Variants in CDKL5 observed in about 807,000 individuals in gnomAD.
CDKL5 encodes cyclin-dependent kinase-like 5.
A neutral mutation model predicts 61.7 loss-of-function variants in CDKL5; 8 were observed. The observed-to-expected ratio is 0.13, with a 90% CI of 0.08 to 0.23. The LOEUF is 0.23. CDKL5 is among the 10% of genes least tolerant of loss of function. The pLI is 1.00. For missense variants in CDKL5, 440 were observed against 734.5 expected, an observed-to-expected ratio of 0.60 and a Z score of 4.63; for synonymous variants, 275 against 272.3, an observed-to-expected ratio of 1.01 and a Z score of -0.10.
chrX:18,586,237 A>G (rs1041356442), intron 8 of CDKL5, among the ~76,000 whole-genome samples: 18 of 111,733 alleles, frequency 1.6e-4, no homozygotes, highest in African/African-American at 5.5e-4. Context: ...GTGTTTGTCT[A>G]TATTTCTTCC....
intron 1 of CDKL5, among the ~76,000 whole-genome samples, chrX:18,442,005 A>C (rs1444035805): frequency 9.1e-6 from 1 of 109,667 alleles, no homozygotes; most frequent in African/African-American, 3.3e-5. Flanking sequence ...TTGGGCCCCC[A>C]CCCCTCCTCC....
chrX:18,598,708 A>G (rs1308221007), intron 11 of CDKL5, 95 bp downstream of exon 11: 1 of 831,100 alleles, frequency 1.2e-6, no homozygotes, highest in African/African-American at 2.0e-5. Context: ...AGAGAAAAGA[A>G]GGAAAGCCCT....
chrX:18,587,809 C>A, intron 8 of CDKL5, 145 bp from the exon 9 acceptor site: 1 of 537,469 alleles, frequency 1.9e-6, no homozygotes, highest in Non-Finnish European at 3.1e-6. Context: ...TGATGATTTG[C>A]TTTTCAGCCT....
At position 18,628,771 on chromosome X, in the gene CDKL5, G is replaced by A. The variant is rs778520461; in HGVS notation, c.*14G>A. On this transcript the variant is annotated 3_prime_UTR_variant, in exon 18 of 18. Transcript: ENST00000623535. ...ACAGCCTTGTAATTTGTGCTGGTAGGGGGGAGGGGTGGACAGACAAGCCAG... is the reference window on the plus strand; with the variant it reads ...ACAGCCTTGTAATTTGTGCTGGTAGAGGGGAGGGGTGGACAGACAAGCCAG... 102 of 1,106,234 alleles carry A rather than the reference G, an allele frequency of 9.2e-5. 1 individual carries two copies. The South Asian group carries it at 1.7e-3, about 19-fold the overall frequency. The allele number at this position is 1,106,234 out of a possible 1,213,427, so 91.2% of individuals were successfully genotyped here.
At chrX:18,647,548 G>T in intron 20 of CDKL5, 1 of 429,780 alleles carries the variant, frequency 2.3e-6, no homozygotes, top group Non-Finnish European at 4.1e-6. Flanking sequence ...TTGCCATAGA[G>T]ACTCAACAGC....
At chrX:18,529,351 T>C (rs981920145) in intron 3 of CDKL5, among the ~76,000 whole-genome samples, 1 of 110,638 alleles carries the variant, frequency 9.0e-6, no homozygotes, top group Non-Finnish European at 1.9e-5. Context: ...ATTATTCATA[T>C]TGCTTATCCA....
At chrX:18,566,436 G>A (rs1809552653) in intron 4 of CDKL5, among the ~76,000 whole-genome samples, 1 of 113,013 alleles carries the variant, frequency 8.8e-6, no homozygotes, top group Non-Finnish European at 1.9e-5. Context: ...GATTACAGGC[G>A]TGAGCCACCT....
chrX:18,427,674 C>A (rs982023868), intron 1 of CDKL5, among the ~76,000 whole-genome samples: 9 of 111,263 alleles, frequency 8.1e-5, no homozygotes, highest in African/African-American at 2.9e-4. Flanking sequence ...TGTTGTTTAG[C>A]ATATTTCCTA....
intron 1 of CDKL5, among the ~76,000 whole-genome samples, chrX:18,504,312 C>T (rs1009452798): frequency 9.0e-6 from 1 of 110,916 alleles, no homozygotes; most frequent in Admixed American, 9.6e-5. Context: ...CCCTGTGTTG[C>T]TCAGGCTGGT....
In CDKL5 at chrX:18,633,298, A is replaced by G; in HGVS notation, c.*4541A>G. On this transcript the variant is annotated 3_prime_UTR_variant, in exon 18 of 18. Transcript: ENST00000623535. ...TCCTTGCCTCCTTCAGTTCATCACTAAGAAAGTGTGTAGGCAGAGAAAACT... is the reference window on the plus strand; with the variant it reads ...TCCTTGCCTCCTTCAGTTCATCACTGAGAAAGTGTGTAGGCAGAGAAAACT... 6 of 753,981 alleles carry G rather than the reference A, an allele frequency of 8.0e-6. No homozygotes were observed. The highest frequency in any genetic ancestry group is 9.4e-6 in the Non-Finnish European group (6 of 638,932). 62.1% of individuals were successfully genotyped at this position (753,981 alleles called of 1,213,427 possible). A position where few individuals can be genotyped will look rare whatever the true frequency, so the allele number is the denominator to read the frequency against.
intron 1 of CDKL5, among the ~76,000 whole-genome samples, chrX:18,463,127 G>T (rs755431701): frequency 2.7e-5 from 3 of 110,651 alleles, no homozygotes; most frequent in East Asian, 5.8e-4. Context: ...AGCCTTGACA[G>T]CTGGCTGGTC....
chrX:18,507,394 T>C (rs910107152), intron 2 of CDKL5, among the ~76,000 whole-genome samples: 1 of 110,734 alleles, frequency 9.0e-6, no homozygotes, highest in African/African-American at 3.3e-5. Context: ...AAGATTTTTT[T>C]CCCTTTTCTT....
In CDKL5 at chrX:18,588,317, T is replaced by C. The variant is rs983754693; in HGVS notation, c.744+174T>C. The C allele has an allele frequency of 1.1e-5, 4 of 372,946 alleles. No homozygotes were observed. The South Asian group carries it at 2.5e-4, about 24-fold the overall frequency. The allele number at this position is 372,946 out of a possible 1,213,427, so 30.7% of individuals were successfully genotyped here. Reference sequence around the variant, plus strand: ...CGAATTTTTTAATAGTACTTGTGGATTTAAAAAGTGGTTAGAATTCAAATT... The same window carrying C: ...CGAATTTTTTAATAGTACTTGTGGACTTAAAAAGTGGTTAGAATTCAAATT... On this transcript the variant is annotated intron_variant, in intron 9 of 17. Transcript: ENST00000623535.
At chrX:18,490,076 G>A (rs1921938044) in intron 1 of CDKL5, among the ~76,000 whole-genome samples, 1 of 111,585 alleles carries the variant, frequency 9.0e-6, no homozygotes, top group African/African-American at 3.3e-5. Flanking sequence ...TGGGAGGCTG[G>A]TGTGCTCTGA....
rs1356521454 is a variant in CDKL5 at position 18,636,456 on chromosome X, T to G, written c.*7699T>G. 1 of 108,984 alleles carries G rather than the reference T, an allele frequency of 9.2e-6. No homozygotes were observed. The highest frequency in any genetic ancestry group is 1.9e-5 in the Non-Finnish European group (1 of 52,622). The allele number at this position is 108,984 out of a possible 1,213,427, so 9.0% of individuals were successfully genotyped here. On this transcript the variant is annotated 3_prime_UTR_variant, in exon 18 of 18. Transcript: ENST00000623535. ...AAATGAGGAAACAGATTTCCATACT[T>G]GACATTAACCTGCCCAAGGTCACCC...
At chrX:18,443,238 T>C (rs1471562823) in intron 1 of CDKL5, among the ~76,000 whole-genome samples, 1 of 112,378 alleles carries the variant, frequency 8.9e-6, no homozygotes, top group East Asian at 2.8e-4. Context: ...TGAAAGTGTC[T>C]GTACTTCACT....
chrX:18,516,050 C>A (rs1923002637), intron 3 of CDKL5, among the ~76,000 whole-genome samples: 1 of 109,938 alleles, frequency 9.1e-6, no homozygotes, highest in Non-Finnish European at 1.9e-5. Flanking sequence ...TGCAGTGGCA[C>A]AATCTCTGCT....
At chrX:18,459,930 T>G (rs1300116189) in intron 1 of CDKL5, among the ~76,000 whole-genome samples, 1 of 107,953 alleles carries the variant, frequency 9.3e-6, no homozygotes, top group Admixed American at 1.0e-4. Flanking sequence ...TGGAGTGCAA[T>G]GGCACGATCT....
Position 18,645,758 on chromosome X carries a change from A to G in CDKL5, c.2714-249A>G, listed in dbSNP as rs369978885. 4.5e-4 allele frequency among the ~76,000 whole-genome samples: 50 copies of G among 110,898 alleles called. No individual in the cohort carries two copies. The East Asian group carries it at 0.013, about 30-fold the overall frequency. On this transcript the variant is annotated intron_variant, in intron 19 of 21. Transcript: ENST00000379989. ...CTTCGACTTAAAATATTTATCCGGCAGAGTCTGCTAATTATCACCCGATAC... is the reference window on the plus strand; with the variant it reads ...CTTCGACTTAAAATATTTATCCGGCGGAGTCTGCTAATTATCACCCGATAC...
Sources: allele counts gnomAD v4.1 joint callset (sites outside exome capture counted in the v4.1 genomes callset), GRCh38; gene constraint gnomAD v4.1.1; transcripts MANE v1.5; gene names NCBI Gene and HGNC (gene_info 2026-07-23, HGNC 2026-07-21).